PDE5A: variants seen among roughly 807,000 people sequenced by gnomAD.
The protein encoded by PDE5A is cGMP-specific 3',5'-cyclic phosphodiesterase.
PDE5A carries 67 observed loss-of-function variants against 110.2 expected under a neutral mutation model. That is an observed-to-expected ratio of 0.61 (90% CI 0.50 to 0.75). The LOEUF (loss-of-function observed/expected upper bound fraction) is 0.75, where lower values mean the gene tolerates loss of function less well. PDE5A is among the 30% of genes least tolerant of loss of function. The pLI is 0.00. For missense variants in PDE5A, 862 were observed against 1,045.1 expected, an observed-to-expected ratio of 0.82 and a Z score of 2.42; for synonymous variants, 328 against 351.2, an observed-to-expected ratio of 0.93 and a Z score of 0.74.
chr4:119,575,294 T>C (rs1249043783), intron 3 of PDE5A, among the ~76,000 whole-genome samples: 1 of 152,112 alleles, frequency 6.6e-6, no homozygotes, highest in Non-Finnish European at 1.5e-5. Context: ...TTCCCCAATC[T>C]AGCAAGGCAG....
intron 14 of PDE5A, among the ~76,000 whole-genome samples, chr4:119,516,319 A>T (rs897343160): frequency 6.6e-6 from 1 of 152,210 alleles, no homozygotes; most frequent in African/African-American, 2.4e-5. Context: ...CACATTTTAT[A>T]CTTCTATCAC....
At chr4:119,515,921 C>T (rs1382313471) in intron 14 of PDE5A, among the ~76,000 whole-genome samples, 1 of 152,098 alleles carries the variant, frequency 6.6e-6, no homozygotes, top group Non-Finnish European at 1.5e-5. Flanking sequence ...CTTTTTCCCA[C>T]CCATATCAAA....
chr4:119,581,362 A>T (rs541680734), intron 3 of PDE5A, among the ~76,000 whole-genome samples: 1 of 152,316 alleles, frequency 6.6e-6, no homozygotes, highest in African/African-American at 2.4e-5. Flanking sequence ...GGTCTAGCTA[A>T]CCACATATGT....
At chr4:119,601,000 T>G (rs1156676434) in intron 2 of PDE5A, among the ~76,000 whole-genome samples, 1 of 152,186 alleles carries the variant, frequency 6.6e-6, no homozygotes. Flanking sequence ...TAAGATACAC[T>G]ACGAAGGTGT....
At chr4:119,502,531 T>TA (rs559354912) in intron 19 of PDE5A, 50 bp downstream of exon 19, 22,141 of 915,036 alleles carry the variant, frequency 0.024, 231 homozygotes, top group African/African-American at 0.1. Context: ...AGTCTACAAT[T>TA]AAAAAAAAAA....
intron 3 of PDE5A, among the ~76,000 whole-genome samples, chr4:119,570,090 C>A (rs1390767691): frequency 1.3e-5 from 2 of 152,116 alleles, no homozygotes; most frequent in African/African-American, 4.8e-5. Context: ...GAAGAAAAGG[C>A]ATAGTGTTCA....
intron 1 of PDE5A, among the ~76,000 whole-genome samples, chr4:119,613,887 A>T (rs1729843016): frequency 6.6e-6 from 1 of 152,034 alleles, no homozygotes; most frequent in Non-Finnish European, 1.5e-5. Flanking sequence ...CCAGGAATCA[A>T]ATCCAGGTTT....
At chr4:119,539,074 A>C in intron 10 of PDE5A, 55 bp from the exon 11 acceptor site, 1 of 1,294,428 alleles carries the variant, frequency 7.7e-7, no homozygotes, top group African/African-American at 1.5e-5. Flanking sequence ...CCACATGTAG[A>C]CTAGAACTTC....
intron 9 of PDE5A, chr4:119,543,233 A>G (rs1167581168): frequency 1.3e-5 from 2 of 152,166 alleles, no homozygotes; most frequent in African/African-American, 4.8e-5. Flanking sequence ...CTACTTAGAA[A>G]TAAAAGTTAA....
intron 1 of PDE5A, among the ~76,000 whole-genome samples, chr4:119,609,795 G>A (rs1250115431): frequency 2.6e-5 from 4 of 152,108 alleles, no homozygotes; most frequent in Non-Finnish European, 2.9e-5. Flanking sequence ...CACAAAAAAC[G>A]ATAAGTATGA....
intron 2 of PDE5A, among the ~76,000 whole-genome samples, chr4:119,600,061 A>T (rs1729287849): frequency 6.6e-6 from 1 of 152,166 alleles, no homozygotes; most frequent in East Asian, 1.9e-4. Context: ...TTTCAGATAA[A>T]CTAAAACTGA....
In PDE5A at chr4:119,538,226, G is replaced by T. The variant is rs148628646; in HGVS notation, c.1632+734C>A. The stretch of plus-strand genomic sequence containing the variant: ...GAAGATGTACATAAGGGCACAAAGA[G>T]TTTAGCATGTGGCAAACTATGATGA... On this transcript the variant is annotated intron_variant, in intron 11 of 20. Coordinates refer to ENST00000354960, the MANE Select transcript of PDE5A (RefSeq NM_001083.4). 2.3e-3 allele frequency among the ~76,000 whole-genome samples: 356 copies of T among 152,222 alleles called. 1 individual carries two copies. The highest frequency in any genetic ancestry group is 8.4e-3 in the African/African-American group (347 of 41,546).
At chr4:119,617,082 T>C (rs1001811883) in intron 1 of PDE5A, among the ~76,000 whole-genome samples, 3 of 152,162 alleles carry the variant, frequency 2.0e-5, no homozygotes, top group South Asian at 2.1e-4. Context: ...ATAATATTCA[T>C]TGAAAAAAAT....
intron 1 of PDE5A, among the ~76,000 whole-genome samples, chr4:119,626,048 CAACAT>C (rs558047772): frequency 5.9e-4 from 90 of 152,280 alleles, no homozygotes; most frequent in African/African-American, 1.9e-3. Flanking sequence ...AACTTACACT[CAACAT>C]AACCTCTTAA....
Position 119,628,622 on chromosome 4 carries a change from GGCTGCTGCTGCTGTC to G in PDE5A, c.35_49del (p.Arg12_Gln16del). The G allele has an allele frequency of 1.2e-6, 2 of 1,613,836 alleles. No homozygotes were observed. The highest frequency in any genetic ancestry group is 1.7e-6 in the Non-Finnish European group (2 of 1,179,850). ...CCTCTGCTGCTGCTTCTGCTGCTGGGGCTGCTGCTGCTGTCGCTGCTGCCCGAAGCTGGGGCCGGC... is the reference window on the plus strand; with the variant it reads ...CCTCTGCTGCTGCTTCTGCTGCTGGGGCTGCTGCCCGAAGCTGGGGCCGGC... On this transcript the variant is annotated inframe_deletion, in exon 1 of 21. Transcript: ENST00000354960.
intron 5 of PDE5A, among the ~76,000 whole-genome samples, chr4:119,564,346 G>A (rs1727850009): frequency 6.6e-6 from 1 of 152,054 alleles, no homozygotes; most frequent in Admixed American, 6.6e-5. Context: ...CAAGGACTCA[G>A]AAAGTTTACT....
intron 3 of PDE5A, among the ~76,000 whole-genome samples, chr4:119,584,816 T>C (rs909436018): frequency 6.6e-6 from 1 of 152,174 alleles, no homozygotes; most frequent in Non-Finnish European, 1.5e-5. Context: ...GTAATAGACA[T>C]ATTCCCTCTG....
rs1009234471 is a variant in PDE5A at position 119,496,561 on chromosome 4, C to A, written c.*2040G>T. 1 of 152,420 alleles carries A rather than the reference C, an allele frequency of 6.6e-6. No individual in the cohort carries two copies. The highest frequency in any genetic ancestry group is 6.6e-5 in the Admixed American group (1 of 15,252). The allele number at this position is 152,420 out of a possible 1,614,324, so 9.4% of individuals were successfully genotyped here. On this transcript the variant is annotated 3_prime_UTR_variant, in exon 21 of 21. Transcript: ENST00000354960. ...GATCTACCATGTCTTTAAAAAATTT[C>A]TCAGTGACACATACTAGAGGGGACC...
chr4:119,522,181 T>C (rs975380779), intron 12 of PDE5A, among the ~76,000 whole-genome samples: 1 of 152,068 alleles, frequency 6.6e-6, no homozygotes. Context: ...GTTCTATTGC[T>C]CAGTTTACAG....
Sources: gnomAD v4.1 joint callset for allele counts (sites outside exome capture counted in the v4.1 genomes callset) on GRCh38, gnomAD v4.1.1 for gene constraint, MANE v1.5 for transcripts, NCBI Gene and HGNC (gene_info 2026-07-23, HGNC 2026-07-21) for gene names.